Variants in TES observed in about 807,000 individuals in gnomAD.
The protein encoded by TES is testin LIM domain protein.
Under a neutral mutation model 48.2 loss-of-function variants are expected in TES, and 41 were observed. The observed-to-expected ratio is 0.85, with a 90% confidence interval of 0.66 to 1.10. TES has a LOEUF of 1.10. Ranked by LOEUF, TES falls within the 50% of genes least tolerant of loss-of-function variation. The pLI, the probability that TES is intolerant of heterozygous loss-of-function variation, is 0.00. For synonymous variants in TES, 162 were observed against 174.9 expected, an observed-to-expected ratio of 0.93 and a Z score of 0.58; for missense variants, 463 against 515.1, an observed-to-expected ratio of 0.90 and a Z score of 0.98.
chr7:116,215,710 T>C (rs1799486529), intron 1 of TES, among the ~76,000 whole-genome samples: 1 of 152,136 alleles, frequency 6.6e-6, no homozygotes, highest in Non-Finnish European at 1.5e-5. Context: ...GTTTAACCAA[T>C]GGCATCTGGA....
intron 2 of TES, among the ~76,000 whole-genome samples, chr7:116,236,053 C>T (rs1799766782): frequency 6.6e-6 from 1 of 152,168 alleles, no homozygotes; most frequent in South Asian, 2.1e-4. Flanking sequence ...CTCCCTTGTG[C>T]TGTCTCTTCA....
intron 5 of TES, 62 bp from the exon 6 acceptor site, chr7:116,252,256 T>C: frequency 2.0e-6 from 3 of 1,502,450 alleles, no homozygotes; most frequent in Non-Finnish European, 2.7e-6. Context: ...AGAAAGTATG[T>C]TGTTACAGAT....
At chr7:116,228,549 T>G (rs995849775) in intron 1 of TES, among the ~76,000 whole-genome samples, 2 of 152,224 alleles carry the variant, frequency 1.3e-5, no homozygotes, top group Non-Finnish European at 2.9e-5. Context: ...TCACATTTAC[T>G]GTTGAAATTA....
intron 3 of TES, 158 bp from the exon 4 acceptor site, chr7:116,250,003 G>T: frequency 2.2e-6 from 1 of 447,842 alleles, no homozygotes. Context: ...TTAGTGTACC[G>T]TTTTTGAGTT....
intron 2 of TES, among the ~76,000 whole-genome samples, chr7:116,246,669 A>G (rs1289979321): frequency 6.6e-6 from 1 of 152,168 alleles, no homozygotes. Context: ...TTTATACCCA[A>G]TACTAGAGAC....
chr7:116,223,340 C>T (rs56866839), intron 1 of TES, among the ~76,000 whole-genome samples: 18,256 of 152,156 alleles, frequency 0.12, 1,106 homozygotes, highest in South Asian at 0.19. Flanking sequence ...CATGGAGGTA[C>T]TGAAATTTAT....
At chr7:116,210,789 C>G in intron 1 of TES, 55 bp downstream of exon 1, 3 of 1,227,864 alleles carry the variant, frequency 2.4e-6, no homozygotes, top group Non-Finnish European at 3.1e-6. Context: ...GGTCGCGCGG[C>G]GCGCGGCGGC....
intron 1 of TES, among the ~76,000 whole-genome samples, chr7:116,230,226 T>C (rs1323499150): frequency 6.6e-6 from 1 of 151,482 alleles, no homozygotes; most frequent in Non-Finnish European, 1.5e-5. Context: ...CCCATTCCAC[T>C]CTCTTTCACT....
At chr7:116,242,394 A>G (rs1799859942) in intron 2 of TES, among the ~76,000 whole-genome samples, 1 of 152,218 alleles carries the variant, frequency 6.6e-6, no homozygotes, top group African/African-American at 2.4e-5. Flanking sequence ...ACCAGATGTT[A>G]GAAAGATTAT....
At chr7:116,243,318 G>A (rs186595268) in intron 2 of TES, among the ~76,000 whole-genome samples, 107 of 152,144 alleles carry the variant, frequency 7.0e-4, no homozygotes, top group African/African-American at 2.1e-3. Context: ...TTATGTTGTC[G>A]TTGCCATGTA....
At position 116,249,155 on chromosome 7, in the gene TES, A is replaced by G. The variant is rs1799966471; in HGVS notation, c.249A>G (p.Gly83=). Residue 83 remains glycine, a synonymous_variant, in exon 3 of 7, where the codon GGA becomes GGG. Coordinates refer to ENST00000358204, the MANE Select transcript of TES (RefSeq NM_015641.4). The stretch of plus-strand genomic sequence containing the variant: ...TGATTGCAAAACTAAAGTCAGATGG[A>G]ATTCCCATGTATAAACGCAATGTTA... ...TTLIAKLKSD[G]IPMYKRNVMI... is the part of the protein sequence containing the mutation. The G allele has an allele frequency of 5.0e-6, 8 of 1,613,996 alleles. No individual in the cohort carries two copies. Among genetic ancestry groups the G allele is most frequent in the Non-Finnish European group, 6.8e-6 (8 of 1,179,980 alleles).
At chr7:116,220,859 T>A (rs1799547457) in intron 1 of TES, among the ~76,000 whole-genome samples, 1 of 152,136 alleles carries the variant, frequency 6.6e-6, no homozygotes, top group Non-Finnish European at 1.5e-5. Context: ...GTTGTAAGGA[T>A]AATCGAGATG....
At chr7:116,248,910 C>T (rs915051423) in intron 2 of TES, 110 bp from the exon 3 acceptor site, 3 of 1,140,796 alleles carry the variant, frequency 2.6e-6, no homozygotes, top group Middle Eastern at 2.7e-4. Context: ...CTTGCCTTTG[C>T]ATACCATGAT....
chr7:116,246,165 C>T (rs551149227), intron 2 of TES, among the ~76,000 whole-genome samples: 17 of 152,286 alleles, frequency 1.1e-4, no homozygotes, highest in African/African-American at 4.1e-4. Flanking sequence ...TTCAAGGAGA[C>T]CTCAAATTTC....
chr7:116,233,347 A>G lies in TES; in HGVS notation c.28-1187A>G, dbSNP rs540470990. On this transcript the variant is annotated intron_variant, in intron 1 of 6. Transcript: ENST00000358204. ...CCCCACTCCTTCCACTTATTAGGCC[A>G]TGTCTCAGCAAGTTCTCAAAGACTA... is the stretch of plus-strand genomic sequence containing the variant. Among the ~76,000 whole-genome samples the G allele has an allele frequency of 2.0e-3, 300 of 152,246 alleles. 2 individuals are homozygous for G. Among genetic ancestry groups the G allele is most frequent in the African/African-American group, 6.6e-3 (276 of 41,558 alleles).
chr7:116,234,429 A>G, intron 1 of TES, 105 bp from the exon 2 acceptor site: 1 of 967,194 alleles, frequency 1.0e-6, no homozygotes, highest in Non-Finnish European at 1.6e-6. Flanking sequence ...TTTGTTTGAA[A>G]GTTATCTCAA....
chr7:116,215,350 T>TA (rs929829717), intron 1 of TES, among the ~76,000 whole-genome samples: 14 of 152,154 alleles, frequency 9.2e-5, no homozygotes, highest in African/African-American at 3.4e-4. Flanking sequence ...TTAAAGGAAT[T>TA]ATATTTGAGG....
chr7:116,227,374 A>G (rs1294862633), intron 1 of TES, among the ~76,000 whole-genome samples: 1 of 151,878 alleles, frequency 6.6e-6, no homozygotes, highest in Non-Finnish European at 1.5e-5. Context: ...CACCCGCCTC[A>G]GCCTCCCAAA....
chr7:116,224,277 CA>C (rs1799594043), intron 1 of TES, among the ~76,000 whole-genome samples: 1 of 152,174 alleles, frequency 6.6e-6, no homozygotes, highest in Admixed American at 6.5e-5. Context: ...CAAACTATGA[CA>C]TGATAAATCG....
Sources: allele counts gnomAD v4.1 joint callset (sites outside exome capture counted in the v4.1 genomes callset), GRCh38; gene constraint gnomAD v4.1.1; transcripts MANE v1.5; gene names NCBI Gene and HGNC (gene_info 2026-07-23, HGNC 2026-07-21).